The following ATP13A2 variants were observed in gnomAD, a reference collection of about 807,000 sequenced individuals.
The protein encoded by ATP13A2 is polyamine-transporting ATPase 13A2.
Under a neutral mutation model 138.3 loss-of-function variants are expected in ATP13A2, and 83 were observed. The observed-to-expected ratio is 0.60, with a 90% CI of 0.50 to 0.72. ATP13A2 has a LOEUF of 0.72. Among genes scored for constraint, ATP13A2 ranks in the 30% least tolerant of loss-of-function variants. The probability of loss-of-function intolerance (pLI) is 0.00; values close to 1 mark genes in which losing one functional copy is unlikely to be tolerated. For missense variants in ATP13A2, 1,402 were observed against 1,606.4 expected (o/e 0.87, Z 2.17); for synonymous variants, 663 against 699.0 (o/e 0.95, Z 0.81).
chr1:16,990,329 G>T, intron 20 of ATP13A2, 42 bp from the exon 21 acceptor site: 1 of 1,611,930 alleles, frequency 6.2e-7, no homozygotes, highest in Non-Finnish European at 8.5e-7. Context: ...GGCTATCCGG[G>T]GAGGCCATCC....
Position 16,995,427 on chromosome 1 carries a change from G to A in ATP13A2, c.1542+549C>T. On this transcript the variant is annotated intron_variant, in intron 15 of 28. Coordinates refer to ENST00000326735, the MANE Select transcript of ATP13A2 (RefSeq NM_022089.4). This position sits in a 1 kb window ranked among gnomAD's most constrained non-coding sequence, Gnocchi z 4.1. ...GTCACTGCTGGGCCCCAAGGGTTGG[G>A]AGCAGCACGGGATGCACACTAGGGC... 1 of 239,918 alleles carries A rather than the reference G, an allele frequency of 4.2e-6. No homozygotes were observed. The highest frequency in any genetic ancestry group is 5.2e-5 in the South Asian group (1 of 19,266). 14.9% of individuals were successfully genotyped at this position (239,918 alleles called of 1,614,324 possible).
rs9435660 is a variant in ATP13A2, at chr1:16,987,578, A to G, written c.2860-309T>C. On this transcript the variant is annotated intron_variant, in intron 25 of 28. Transcript: ENST00000326735. Reference sequence around the variant, plus strand: ...TTCGGCTCTGCCTTGCGGAGTCCCTATAGCTACCAGGGCATGCACAGTTCC... The same window carrying G: ...TTCGGCTCTGCCTTGCGGAGTCCCTGTAGCTACCAGGGCATGCACAGTTCC... Among the ~76,000 whole-genome samples the G allele has an allele frequency of 0.24, 37,238 of 152,100 alleles. 5,062 individuals are homozygous for G. Among genetic ancestry groups the G allele is most frequent in the East Asian group, 0.56 (2,884 of 5,126 alleles).
At chr1:17,005,098 T>A (rs1278910458) in intron 3 of ATP13A2, 26 bp from the exon 4 acceptor site, 1 of 1,613,008 alleles carries the variant, frequency 6.2e-7, no homozygotes, top group Non-Finnish European at 8.5e-7. Context: ...ATGGACTCAG[T>A]CTCAGAAGAG....
rs1286327345 is a variant in ATP13A2, at chr1:16,995,971, C to A, written c.1542+5G>T. ...CCCCTGCACCAACCCCACCTGCGGCCCCACCTTGTCGAAACACACCAGCTG... is the reference window on the plus strand; with the variant it reads ...CCCCTGCACCAACCCCACCTGCGGCACCACCTTGTCGAAACACACCAGCTG... On this transcript the variant is annotated splice_donor_5th_base_variant and intron_variant, in intron 15 of 28. Transcript: ENST00000326735. This position sits in a 1 kb window ranked among gnomAD's most constrained non-coding sequence, Gnocchi z 4.1. 1 of 1,613,918 alleles carries A rather than the reference C, an allele frequency of 6.2e-7. No individual in the cohort carries two copies. Among genetic ancestry groups the A allele is most frequent in the South Asian group, 1.1e-5 (1 of 91,086 alleles).
At position 17,011,798 on chromosome 1, in the gene ATP13A2, G is replaced by T; in HGVS notation, c.-60C>A. Reference sequence around the variant, plus strand: ...TGCGGCCCTCGGCCTGGGCCCCGGCGTGCGCAAGGCCCTGGGCGGGGGCGC... The same window carrying T: ...TGCGGCCCTCGGCCTGGGCCCCGGCTTGCGCAAGGCCCTGGGCGGGGGCGC... On this transcript the variant is annotated 5_prime_UTR_variant, in exon 1 of 29. Transcript: ENST00000326735. This position sits in a 1 kb window ranked among gnomAD's most constrained non-coding sequence, Gnocchi z 7.3. The T allele has an allele frequency of 7.6e-7, 1 of 1,315,018 alleles. No individual in the cohort carries two copies. The highest frequency in any genetic ancestry group is 9.7e-7 in the Non-Finnish European group (1 of 1,031,018). 81.5% of individuals were successfully genotyped at this position (1,315,018 alleles called of 1,614,324 possible).
At position 16,989,977 on chromosome 1, in the gene ATP13A2, G is replaced by A. The variant is rs368244226; in HGVS notation, c.2439C>T (p.Thr813=). The A allele has an allele frequency of 3.5e-5, 57 of 1,609,690 alleles. No homozygotes were observed. In the Middle Eastern group the frequency reaches 8.2e-4, roughly 23 times the overall value. Residue 813 remains threonine, a synonymous_variant, in exon 22 of 29, where the codon ACC becomes ACT. Coordinates refer to ENST00000326735, the MANE Select transcript of ATP13A2 (RefSeq NM_022089.4). The stretch of plus-strand genomic sequence containing the variant: ...GCCTGGATCGGGGGTCTGGCTCCAC[G>A]GTGTAGCTTGCAGCCTGGTCAGGAT... The part of the protein sequence containing the change: ...VKDPDQAASY[T]VEPDPRSRHL...
chr1:17,004,424 G>A lies in ATP13A2; in HGVS notation c.478-13C>T, dbSNP rs571490265. On this transcript the variant is annotated splice_polypyrimidine_tract_variant and intron_variant, in intron 5 of 28. Transcript: ENST00000326735. The surrounding 1 kb of genome is among the most constrained non-coding windows in gnomAD (Gnocchi z 4.1). Reference sequence around the variant, plus strand: ...GCAGCACCCGCTTCTGGGTGGGAGAGAGGAGAGGATGGGTTGGAAGCTGGC... The same window carrying A: ...GCAGCACCCGCTTCTGGGTGGGAGAAAGGAGAGGATGGGTTGGAAGCTGGC... The A allele has an allele frequency of 6.2e-6, 10 of 1,613,908 alleles. No homozygotes were observed. The African/African-American group carries it at 1.2e-4, about 19-fold the overall frequency.
At position 16,988,455 on chromosome 1, in the gene ATP13A2, C is replaced by T. The variant is rs144701072; in HGVS notation, c.2629G>A (p.Gly877Arg). ...QKLQYCVGMC[G>R]DGANDCGALK... is the part of the protein sequence containing the mutation. ...GCCCCACAGTCATTGGCGCCGTCTC[C>T]GCACATGCCCACGCAGTACCTGAAG... The change falls in exon 24 of 29, where the codon GGA (glycine) becomes AGA (arginine). Residue 877 changes from glycine to arginine, a missense_variant. Physicochemically the swap from Gly to Arg is moderately radical, Grantham distance 125. Transcript: ENST00000326735. 9.3e-6 allele frequency: 15 copies of T among 1,613,774 alleles called. No homozygotes were observed. The highest frequency in any genetic ancestry group is 6.7e-5 in the African/African-American group (5 of 74,936).
chr1:16,997,380 T>C (rs2077169490), intron 11 of ATP13A2, among the ~76,000 whole-genome samples: 1 of 124,052 alleles, frequency 8.1e-6, no homozygotes, highest in Non-Finnish European at 1.6e-5. Flanking sequence ...GAGACACTCC[T>C]GGAAGCAGGT....
At position 16,991,826 on chromosome 1, in the gene ATP13A2, C is replaced by T. The variant is rs868489276; in HGVS notation, c.2159G>A (p.Gly720Glu). The T allele has an allele frequency of 6.2e-7, 1 of 1,614,116 alleles. No individual in the cohort carries two copies. The highest frequency in any genetic ancestry group is 8.5e-7 in the Non-Finnish European group (1 of 1,180,028). Residue 720 changes from glycine to glutamate, a missense_variant, in exon 20 of 29, where the codon GGG becomes GAG. Gly to Glu is a moderately conservative substitution (Grantham distance 98, BLOSUM62 -2). Transcript: ENST00000326735. Reference sequence around the variant, plus strand: ...CAGTAGGTTCCTCATGACCAGCAGCCCCAGGAGGCTCAGGTCTCCTTCCAC... The same window carrying T: ...CAGTAGGTTCCTCATGACCAGCAGCTCCAGGAGGCTCAGGTCTCCTTCCAC... ...DTVEGDLSLL[G>E]LLVMRNLLKP...
Position 16,997,127 on chromosome 1 carries a change from G to T in ATP13A2, c.1088C>A (p.Pro363His). The T allele has an allele frequency of 6.2e-7, 1 of 1,613,740 alleles. No individual in the cohort carries two copies. Residue 363 changes from proline (P) to histidine (H), a missense_variant, in exon 12 of 29, where the codon CCC (proline) becomes CAC (histidine). Coordinates refer to ENST00000326735, the MANE Select transcript of ATP13A2 (RefSeq NM_022089.4). ...LKTALPEGLG[P>H]YCAETHRRHT... ...CCGCCGGTGTGTCTCTGCACAGTAGGGCCCCAGCCCCTCCGGCAGTGCCGT... is the reference window on the plus strand; with the variant it reads ...CCGCCGGTGTGTCTCTGCACAGTAGTGCCCCAGCCCCTCCGGCAGTGCCGT...
rs1557716903 is a variant in ATP13A2, at chr1:17,005,569, CGA to C, written c.106-15_106-14del. The C allele has an allele frequency of 4.3e-6, 7 of 1,614,206 alleles. No individual in the cohort carries two copies. The East Asian group carries it at 1.1e-4, about 26-fold the overall frequency. On this transcript the variant is annotated splice_polypyrimidine_tract_variant and intron_variant, in intron 2 of 28. Transcript: ENST00000326735. Reference sequence around the variant, plus strand: ...AGCCGCTGAGCCTCTGCGAACGCAGCGAGAGAGGGCCCAGGTCGGGGTGGGAA... The same window carrying C: ...AGCCGCTGAGCCTCTGCGAACGCAGCGAGAGGGCCCAGGTCGGGGTGGGAA...
chr1:16,989,513 C>G (rs2076848759), intron 23 of ATP13A2, among the ~76,000 whole-genome samples, 178 bp downstream of exon 23: 1 of 152,184 alleles, frequency 6.6e-6, no homozygotes, highest in Admixed American at 6.5e-5. Context: ...ACCCAGCCTA[C>G]AATTATTATT....
Position 17,000,019 on chromosome 1 carries a change from G to A in ATP13A2, c.1031C>T (p.Ser344Phe). Residue 344 changes from serine to phenylalanine, a missense_variant, in exon 11 of 29, where the codon TCT (serine) becomes TTT (phenylalanine). Physicochemically the swap from Ser to Phe is radical, Grantham distance 155 (BLOSUM62 -2). Coordinates refer to ENST00000326735, the MANE Select transcript of ATP13A2 (RefSeq NM_022089.4). ...AGGGGCTGGGGGCTCACCTGTCAGAGAGCTCTCATTCACCATGCACTCGCC... is the reference window on the plus strand; with the variant it reads ...AGGGGCTGGGGGCTCACCTGTCAGAAAGCTCTCATTCACCATGCACTCGCC... ...VAGECMVNES[S>F]LTGESIPVLK... The A allele has an allele frequency of 6.2e-7, 1 of 1,608,420 alleles. No homozygotes were observed. Among genetic ancestry groups the A allele is most frequent in the Non-Finnish European group, 8.5e-7 (1 of 1,177,122 alleles).
chr1:17,002,607 A>G (rs2077402286), intron 6 of ATP13A2, among the ~76,000 whole-genome samples: 1 of 152,232 alleles, frequency 6.6e-6, no homozygotes, highest in South Asian at 2.1e-4. Context: ...GATGATGCTA[A>G]TAATATGAAC....
rs764435162 is a variant in ATP13A2 at position 16,996,293 on chromosome 1, G to A, written c.1314C>T (p.Leu438=). 2.7e-5 allele frequency: 44 copies of A among 1,614,206 alleles called. No individual in the cohort carries two copies. The highest frequency in any genetic ancestry group is 5.5e-5 in the South Asian group (5 of 91,086). The change falls in exon 14 of 29, where the codon CTC becomes CTT. Residue 438 remains leucine, a synonymous_variant. Coordinates refer to ENST00000326735, the MANE Select transcript of ATP13A2 (RefSeq NM_022089.4). The stretch of plus-strand genomic sequence containing the variant: ...GGATGAAGATGCTGTAGATGGTGCC[G>A]AGGAGAGCTGTGGGGACAGCGAAGG... ...FVAALSVLAL[L]GTIYSIFILY...
rs1411245065 is a variant in ATP13A2, at chr1:17,011,883, G to T, written c.-145C>A. On this transcript the variant is annotated 5_prime_UTR_variant, in exon 1 of 29. Transcript: ENST00000326735. This position sits in a 1 kb window ranked among gnomAD's most constrained non-coding sequence, Gnocchi z 7.3. ...AGCGCGGGGCTGGAGCAGGGCTGACGCGGGCGGGGCACCTGGGCCACCAGG... is the reference window on the plus strand; with the variant it reads ...AGCGCGGGGCTGGAGCAGGGCTGACTCGGGCGGGGCACCTGGGCCACCAGG... 2.7e-6 allele frequency: 2 copies of T among 751,170 alleles called. No individual in the cohort carries two copies. Among genetic ancestry groups the T allele is most frequent in the Non-Finnish European group, 3.3e-6 (2 of 609,312 alleles). 46.5% of individuals were successfully genotyped at this position (751,170 alleles called of 1,614,324 possible).
rs772148955 is a variant in ATP13A2 at position 17,005,670 on chromosome 1, C to T, written c.105+14G>A. The T allele has an allele frequency of 1.9e-6, 3 of 1,613,682 alleles. No homozygotes were observed. The highest frequency in any genetic ancestry group is 1.1e-5 in the South Asian group (1 of 90,994). On this transcript the variant is annotated intron_variant, in intron 2 of 28. Coordinates refer to ENST00000326735, the MANE Select transcript of ATP13A2 (RefSeq NM_022089.4). Reference sequence around the variant, plus strand: ...CCCCCTGCAGCTTTTCCCCACCCCACTCTGCCCACTTACCACGGATGAAAC... The same window carrying T: ...CCCCCTGCAGCTTTTCCCCACCCCATTCTGCCCACTTACCACGGATGAAAC...
chr1:17,001,969 A>G, intron 8 of ATP13A2, 65 bp downstream of exon 8: 1 of 1,523,132 alleles, frequency 6.6e-7, no homozygotes, highest in Non-Finnish European at 8.9e-7. Flanking sequence ...AGAGGAGGCA[A>G]GCCCTGGGCC....
Sources: allele counts gnomAD v4.1 joint callset (sites outside exome capture counted in the v4.1 genomes callset), GRCh38; gene constraint gnomAD v4.1.1; non-coding constraint Gnocchi (gnomAD v3.1); transcripts MANE v1.5; gene names NCBI Gene and HGNC (gene_info 2026-07-23, HGNC 2026-07-21).